Variants in BCAS4 observed in about 807,000 individuals in gnomAD.
The protein encoded by BCAS4 is breast carcinoma amplified sequence 4, also known as breast carcinoma-amplified sequence 4.
A neutral mutation model predicts 15.7 loss-of-function variants in BCAS4; 9 were observed. The ratio of observed to expected loss-of-function variants is 0.57; its 90% CI spans 0.34 to 1.00. The LOEUF (loss-of-function observed/expected upper bound fraction) is 1.00, where lower values mean the gene tolerates loss of function less well. Among genes scored for constraint, BCAS4 ranks in the 50% least tolerant of loss-of-function variants. The probability of loss-of-function intolerance (pLI) is 0.02; values close to 1 mark genes in which losing one functional copy is unlikely to be tolerated. For missense variants in BCAS4, 225 were observed against 239.1 expected (o/e 0.94, Z 0.39); for synonymous variants, 101 against 99.5 (o/e 1.02, Z -0.09).
At chr20:50,877,522 C>T (rs6091232), downstream of BCAS4, 18,053 of 152,276 alleles carry the variant, frequency 0.12, 1,908 homozygotes, top group African/African-American at 0.27. Context: ...ACATAATTCC[C>T]CTATGCACAT....
At chr20:50,854,775 G>C (rs947230180) in intron 4 of BCAS4, among the ~76,000 whole-genome samples, 1 of 152,200 alleles carries the variant, frequency 6.6e-6, no homozygotes, top group Non-Finnish European at 1.5e-5. Context: ...CCCACCATGC[G>C]GCACCGTAGG....
In BCAS4 at chr20:50,795,121, G is replaced by C; in HGVS notation, c.38G>C (p.Arg13Pro). Residue 13 changes from arginine to proline, a missense_variant, in exon 1 of 5, where the codon CGC becomes CCC. Arg to Pro is a moderately radical substitution (Grantham distance 103). Transcript: ENST00000371608. ...GACGCTGATCAGCCGGAGCCCATGC[G>C]CAGCGGGGCGCGCGAGCTCGCGCTC... ...LVDADQPEPM[R>P]SGARELALFL... 2.0e-6 allele frequency: 3 copies of C among 1,488,174 alleles called. No homozygotes were observed. The highest frequency in any genetic ancestry group is 1.4e-5 in the African/African-American group (1 of 69,548). 92.2% of individuals were successfully genotyped at this position (1,488,174 alleles called of 1,614,324 possible). A position where few individuals can be genotyped will look rare whatever the true frequency, so the allele number is the denominator to read the frequency against.
At chr20:50,872,291 C>T (rs1979688783) in intron 4 of BCAS4, among the ~76,000 whole-genome samples, 1 of 125,030 alleles carries the variant, frequency 8.0e-6, no homozygotes, top group African/African-American at 3.4e-5. Context: ...AAAAGAGGGG[C>T]CGGGCATGGT....
At chr20:50,812,348 T>C (rs1317714761) in intron 1 of BCAS4, among the ~76,000 whole-genome samples, 1 of 151,750 alleles carries the variant, frequency 6.6e-6, no homozygotes. Context: ...TTAGCCAGGA[T>C]GGTCTCGATC....
At chr20:50,826,202 C>T (rs2088276248) in intron 2 of BCAS4, among the ~76,000 whole-genome samples, 1 of 152,248 alleles carries the variant, frequency 6.6e-6, no homozygotes, top group Non-Finnish European at 1.5e-5. Flanking sequence ...GAGGAATGAG[C>T]TTCTCTCTAG....
intron 2 of BCAS4, among the ~76,000 whole-genome samples, chr20:50,822,086 C>T (rs935600037): frequency 1.2e-4 from 18 of 152,280 alleles, no homozygotes; most frequent in East Asian, 3.9e-4. Flanking sequence ...TCATTTGAGT[C>T]GAAGCTGGCT....
chr20:50,833,557 C>G (rs1341552023), intron 3 of BCAS4, among the ~76,000 whole-genome samples: 1 of 152,202 alleles, frequency 6.6e-6, no homozygotes, highest in Non-Finnish European at 1.5e-5. Context: ...TGCCAAATGT[C>G]CCCTGGGGGG....
chr20:50,820,474 G>A (rs570492541), intron 2 of BCAS4, among the ~76,000 whole-genome samples: 1 of 152,318 alleles, frequency 6.6e-6, no homozygotes, highest in South Asian at 2.1e-4. Flanking sequence ...GTGCAAAGGC[G>A]GGGAGGCCAG....
chr20:50,809,186 T>C (rs1410182703), intron 1 of BCAS4, among the ~76,000 whole-genome samples: 1 of 151,424 alleles, frequency 6.6e-6, no homozygotes, highest in Non-Finnish European at 1.5e-5. Context: ...GTTCCATTGG[T>C]CTATGTGCCT....
intron 1 of BCAS4, among the ~76,000 whole-genome samples, chr20:50,813,598 T>C (rs186076900): frequency 6.6e-6 from 1 of 150,436 alleles, no homozygotes; most frequent in Non-Finnish European, 1.5e-5. Context: ...TCAAGGGTGC[T>C]CCGAAGTATT....
chr20:50,837,902 G>A (rs1193573368), intron 3 of BCAS4, among the ~76,000 whole-genome samples: 2 of 152,190 alleles, frequency 1.3e-5, no homozygotes, highest in African/African-American at 4.8e-5. Context: ...TGTGCTGGCT[G>A]AGCCAGGCCT....
chr20:50,882,369 C>T, the BCAS4 span: 1 of 152,192 alleles, frequency 6.6e-6, no homozygotes, highest in African/African-American at 2.4e-5. Context: ...CCTTTATAGC[C>T]CAACCATATG....
Position 50,853,365 on chromosome 20 carries a change from G to A in BCAS4, c.399+11465G>A, listed in dbSNP as rs148668230. On this transcript the variant is annotated intron_variant, in intron 4 of 4. Coordinates refer to ENST00000371608, the MANE Select transcript of BCAS4 (RefSeq NM_198799.4). ...TCGCCATGTTAGCCAGGCTGGTCTC[G>A]AACTCTTGACCTCAAGTTATCTGCC... Among the ~76,000 whole-genome samples the A allele has an allele frequency of 2.3e-3, 344 of 151,846 alleles. 2 individuals are homozygous for A. The highest frequency in any genetic ancestry group is 7.7e-3 in the African/African-American group (318 of 41,400).
intron 4 of BCAS4, among the ~76,000 whole-genome samples, chr20:50,854,766 C>G (rs1379880256): frequency 1.3e-5 from 2 of 152,216 alleles, no homozygotes; most frequent in Non-Finnish European, 2.9e-5. Flanking sequence ...CAAACCCCCC[C>G]CACCATGCGG....
chr20:50,824,705 T>C (rs2088256500), intron 2 of BCAS4, among the ~76,000 whole-genome samples: 1 of 152,066 alleles, frequency 6.6e-6, no homozygotes, highest in Non-Finnish European at 1.5e-5. Context: ...GGGGAGACTG[T>C]AGGGAGTGAT....
chr20:50,825,190 G>A (rs2088265054), intron 2 of BCAS4, among the ~76,000 whole-genome samples: 1 of 152,128 alleles, frequency 6.6e-6, no homozygotes, highest in African/African-American at 2.4e-5. Flanking sequence ...TGTTGGTATC[G>A]TGCCCCTCTA....
chr20:50,829,099 G>T (rs2088312678), intron 2 of BCAS4, among the ~76,000 whole-genome samples: 2 of 152,170 alleles, frequency 1.3e-5, no homozygotes, highest in Non-Finnish European at 2.9e-5. Context: ...GTGCCCACTG[G>T]TGTTTCTCTA....
At chr20:50,807,279 C>T (rs907173349) in intron 1 of BCAS4, among the ~76,000 whole-genome samples, 64 of 152,236 alleles carry the variant, frequency 4.2e-4, no homozygotes, top group Middle Eastern at 3.4e-3. Context: ...CTGCACCCTC[C>T]GCTTCCTGGC....
chr20:50,849,684 G>A lies in BCAS4; in HGVS notation c.399+7784G>A, dbSNP rs150014782. Among the ~76,000 whole-genome samples the A allele has an allele frequency of 1.6e-3, 241 of 152,334 alleles. 1 individual carries two copies. Among genetic ancestry groups the A allele is most frequent in the African/African-American group, 5.6e-3 (234 of 41,568 alleles). On this transcript the variant is annotated intron_variant, in intron 4 of 4. Coordinates refer to ENST00000371608, the MANE Select transcript of BCAS4 (RefSeq NM_198799.4). Reference sequence around the variant, plus strand: ...GGAACCTTTGCCTGGCGCCAGCCTCGCATAAATGGCGGCCAGTGGTCACCA... The same window carrying A: ...GGAACCTTTGCCTGGCGCCAGCCTCACATAAATGGCGGCCAGTGGTCACCA...
Sources: gnomAD v4.1 joint callset for allele counts (sites outside exome capture counted in the v4.1 genomes callset) on GRCh38, gnomAD v4.1.1 for gene constraint, MANE v1.5 for transcripts, NCBI Gene and HGNC (gene_info 2026-07-23, HGNC 2026-07-21) for gene names.